The following EFCC1 variants were observed in gnomAD, a reference collection of about 807,000 sequenced individuals.
EFCC1 encodes EF-hand and coiled-coil domain containing 1.
A neutral mutation model predicts 52.1 loss-of-function variants in EFCC1; 50 were observed. The ratio of observed to expected loss-of-function variants is 0.96; its 90% CI spans 0.76 to 1.21. The LOEUF is 1.21. Among genes scored for constraint, EFCC1 ranks in the 50% most tolerant of loss-of-function variants. The pLI is 0.00. For synonymous variants in EFCC1, 399 were observed against 396.5 expected, an observed-to-expected ratio of 1.01 and a Z score of -0.08; for missense variants, 837 against 867.3, an observed-to-expected ratio of 0.97 and a Z score of 0.44.
At chr3:129,015,172 A>T (rs538971862) in intron 2 of EFCC1, among the ~76,000 whole-genome samples, 20 of 151,772 alleles carry the variant, frequency 1.3e-4, no homozygotes, top group East Asian at 5.8e-4. Context: ...GCCCTTTCCC[A>T]TCCTCTCCTG....
intron 3 of EFCC1, among the ~76,000 whole-genome samples, chr3:129,031,444 A>T (rs1407663646): frequency 6.6e-6 from 1 of 152,086 alleles, no homozygotes; most frequent in Non-Finnish European, 1.5e-5. Flanking sequence ...CTGCCCCCCT[A>T]AAGAAAAAAG....
At chr3:129,039,006 CAT>C in intron 7 of EFCC1, 106 bp downstream of exon 7, 3 of 999,384 alleles carry the variant, frequency 3.0e-6, no homozygotes, top group Non-Finnish European at 4.7e-6. Flanking sequence ...GCAAAACAAT[CAT>C]GTTATTCCTG....
chr3:129,002,294 GAGCAGTGATGCGCGCTGCCT>G lies in EFCC1; in HGVS notation c.671_690del (p.Ser224ThrfsTer118), dbSNP rs1944823732. 1 of 1,526,694 alleles carries G rather than the reference GAGCAGTGATGCGCGCTGCCT, an allele frequency of 6.6e-7. No homozygotes were observed. The highest frequency in any genetic ancestry group is 2.0e-5 in the Admixed American group (1 of 50,416). 94.6% of individuals were successfully genotyped at this position (1,526,694 alleles called of 1,614,324 possible). ...TGGAGGACCTGCGCGCCGCGCTGCAGAGCAGTGATGCGCGCTGCCTAGCACTGCAGGTGCGCGCCGGCCAC... is the reference window on the plus strand; with the variant it reads ...TGGAGGACCTGCGCGCCGCGCTGCAGAGCACTGCAGGTGCGCGCCGGCCAC... On this transcript the variant is annotated frameshift_variant, in exon 1 of 8. Transcript: ENST00000683648. LOFTEE classifies it high-confidence loss of function.
intron 2 of EFCC1, among the ~76,000 whole-genome samples, chr3:129,026,969 C>G (rs547502973): frequency 6.6e-6 from 1 of 152,298 alleles, no homozygotes; most frequent in Non-Finnish European, 1.5e-5. Flanking sequence ...TTAGGCAAAG[C>G]CTGATCCAGC....
intron 2 of EFCC1, among the ~76,000 whole-genome samples, chr3:129,021,703 G>C (rs1321948751): frequency 6.6e-6 from 1 of 152,196 alleles, no homozygotes; most frequent in Non-Finnish European, 1.5e-5. Context: ...TATAGGGAAA[G>C]ATTATCAACA....
intron 6 of EFCC1, among the ~76,000 whole-genome samples, chr3:129,037,731 C>G (rs1946373842): frequency 6.6e-6 from 1 of 152,124 alleles, no homozygotes; most frequent in South Asian, 2.1e-4. Context: ...ATGCAGATCT[C>G]ACACTGACTG....
chr3:129,021,636 C>A (rs114193548), intron 2 of EFCC1, among the ~76,000 whole-genome samples: 1 of 152,122 alleles, frequency 6.6e-6, no homozygotes, highest in Non-Finnish European at 1.5e-5. Flanking sequence ...TGAGTCTGCG[C>A]GGGTATCTGT....
At chr3:129,002,345 G>A in intron 1 of EFCC1, 21 bp downstream of exon 1, 1 of 1,511,530 alleles carries the variant, frequency 6.6e-7, no homozygotes. Context: ...GCCACGAAGG[G>A]AGGGTGGTAA....
chr3:129,034,074 A>C, intron 4 of EFCC1, 90 bp from the exon 5 acceptor site: 1 of 1,555,272 alleles, frequency 6.4e-7, no homozygotes, highest in Non-Finnish European at 8.8e-7. Context: ...TTAGGAGGCC[A>C]ACTCCACACC....
chr3:129,038,937 T>G (rs551709763), intron 7 of EFCC1, 37 bp downstream of exon 7: 5 of 1,578,660 alleles, frequency 3.2e-6, no homozygotes, highest in Non-Finnish European at 4.4e-6. Flanking sequence ...GCCCACGCAG[T>G]GGCTGGAGGG....
chr3:129,037,449 A>G (rs1946371483), intron 6 of EFCC1, among the ~76,000 whole-genome samples: 1 of 152,242 alleles, frequency 6.6e-6, no homozygotes, highest in Admixed American at 6.5e-5. Context: ...ATTAAATACA[A>G]TACTAGCAAA....
intron 2 of EFCC1, among the ~76,000 whole-genome samples, chr3:129,012,783 T>C (rs1945386602): frequency 6.6e-6 from 1 of 152,118 alleles, no homozygotes; most frequent in South Asian, 2.1e-4. Context: ...ACAATCAATG[T>C]CCACCTCATG....
At chr3:129,036,625 C>T (rs1192965526) in intron 5 of EFCC1, among the ~76,000 whole-genome samples, 1 of 152,222 alleles carries the variant, frequency 6.6e-6, no homozygotes, top group Non-Finnish European at 1.5e-5. Context: ...TGTCTCAACC[C>T]TGTCCCATTC....
In EFCC1 at chr3:129,002,236, TGGA is replaced by T. The variant is rs776378976; in HGVS notation, c.616_618del (p.Glu206del). On this transcript the variant is annotated inframe_deletion, in exon 1 of 8. Coordinates refer to ENST00000683648, the MANE Select transcript of EFCC1 (RefSeq NM_001377500.1). ...CCTGACTGTGAGCGCGTTGCGCGGC[TGGA>T]GGAGGAGAATAGCAGCTTGCGCGAG... The T allele has an allele frequency of 1.5e-4, 233 of 1,529,728 alleles. No individual in the cohort carries two copies. The highest frequency in any genetic ancestry group is 4.1e-4 in the African/African-American group (29 of 71,378). The allele number at this position is 1,529,728 out of a possible 1,614,324, so 94.8% of individuals were successfully genotyped here.
intron 2 of EFCC1, among the ~76,000 whole-genome samples, chr3:129,021,149 CA>C (rs2107911970): frequency 6.6e-6 from 1 of 152,308 alleles, no homozygotes; most frequent in South Asian, 2.1e-4. Context: ...TATGACCAAG[CA>C]TCACCCCAAA....
At position 129,014,208 on chromosome 3, in the gene EFCC1, C is replaced by G. The variant is rs1022486433; in HGVS notation, c.980+10131C>G. Reference sequence around the variant, plus strand: ...GCTGGGAAGAGGCAGAGACCCTGCCCTCGTGGACCAACTCTCAGTGCGTTA... The same window carrying G: ...GCTGGGAAGAGGCAGAGACCCTGCCGTCGTGGACCAACTCTCAGTGCGTTA... On this transcript the variant is annotated intron_variant, in intron 2 of 7. Coordinates refer to ENST00000683648, the MANE Select transcript of EFCC1 (RefSeq NM_001377500.1). The surrounding 1 kb of genome is among the most constrained non-coding windows in gnomAD (Gnocchi z 4.3). 6.6e-6 allele frequency among the ~76,000 whole-genome samples: 1 copy of G among 152,238 alleles called. No individual in the cohort carries two copies. Among genetic ancestry groups the G allele is most frequent in the African/African-American group, 2.4e-5 (1 of 41,458 alleles).
At chr3:129,019,547 CAA>C (rs986774753) in intron 2 of EFCC1, among the ~76,000 whole-genome samples, 83 of 152,196 alleles carry the variant, frequency 5.5e-4, no homozygotes, top group African/African-American at 1.8e-3. Flanking sequence ...GTAGTACAAA[CAA>C]GAGAGAACTA....
intron 5 of EFCC1, among the ~76,000 whole-genome samples, chr3:129,035,817 G>A (rs1007166411): frequency 1.3e-5 from 2 of 152,162 alleles, no homozygotes; most frequent in Admixed American, 6.5e-5. Context: ...TCCATTTCCT[G>A]TGTGACCTTG....
At chr3:129,018,179 A>G (rs1228170886) in intron 2 of EFCC1, among the ~76,000 whole-genome samples, 1 of 152,192 alleles carries the variant, frequency 6.6e-6, no homozygotes, top group Non-Finnish European at 1.5e-5. Context: ...TTGGGAGTAA[A>G]GATGAGACCT....
Sources: gnomAD v4.1 joint callset for allele counts (sites outside exome capture counted in the v4.1 genomes callset) on GRCh38, gnomAD v4.1.1 for gene constraint, Gnocchi (gnomAD v3.1) non-coding constraint, MANE v1.5 for transcripts, NCBI Gene and HGNC (gene_info 2026-07-23, HGNC 2026-07-21) for gene names.